The following LDLRAD3 variants were observed in gnomAD, a reference collection of about 807,000 sequenced individuals.
LDLRAD3 encodes the protein low density lipoprotein receptor class A domain containing 3.
LDLRAD3 carries 20 observed loss-of-function variants against 29.4 expected under a neutral mutation model. The ratio of observed to expected loss-of-function variants is 0.68; its 90% CI spans 0.48 to 0.99. The LOEUF (loss-of-function observed/expected upper bound fraction) is 0.99, where lower values mean the gene tolerates loss of function less well. Among genes scored for constraint, LDLRAD3 ranks in the 50% least tolerant of loss-of-function variants. LDLRAD3 has a pLI of 0.00. For synonymous variants in LDLRAD3, 157 were observed against 192.7 expected (o/e 0.81, Z 1.53); for missense variants, 420 against 454.3 (o/e 0.92, Z 0.69).
At chr11:36,096,219 A>G (rs1364588791) in intron 3 of LDLRAD3, among the ~76,000 whole-genome samples, 6 of 152,240 alleles carry the variant, frequency 3.9e-5, no homozygotes, top group Non-Finnish European at 4.4e-5. Context: ...AAAAGTCTTC[A>G]GTTCCTCAGC....
chr11:35,958,725 A>T (rs560448855), intron 1 of LDLRAD3, among the ~76,000 whole-genome samples: 20 of 152,056 alleles, frequency 1.3e-4, no homozygotes, highest in Admixed American at 1.2e-3. Context: ...TACCCCCTAC[A>T]TTTTACAGCA....
chr11:35,955,620 A>G (rs1851191543), intron 1 of LDLRAD3, among the ~76,000 whole-genome samples: 2 of 152,244 alleles, frequency 1.3e-5, no homozygotes, highest in South Asian at 4.1e-4. Flanking sequence ...TAAAATAGAT[A>G]AACAGGGTTA....
intron 4 of LDLRAD3, among the ~76,000 whole-genome samples, chr11:36,129,712 G>A (rs1304556781): frequency 6.8e-6 from 1 of 146,512 alleles, no homozygotes; most frequent in Non-Finnish European, 1.5e-5. Flanking sequence ...TGAAACATCT[G>A]CCCTAAGCCT....
At chr11:36,093,220 A>T (rs1853309833) in intron 3 of LDLRAD3, among the ~76,000 whole-genome samples, 1 of 152,240 alleles carries the variant, frequency 6.6e-6, no homozygotes, top group African/African-American at 2.4e-5. Flanking sequence ...ACATACTGAA[A>T]AGGAAAAGTA....
chr11:36,188,269 T>C lies in LDLRAD3; in HGVS notation c.455-38816T>C, dbSNP rs1854884104. 3.4e-5 allele frequency among the ~76,000 whole-genome samples: 5 copies of C among 149,124 alleles called. No individual in the cohort carries two copies. In the Admixed American group the frequency reaches 3.4e-4, roughly 10 times the overall value. On this transcript the variant is annotated intron_variant, in intron 4 of 5. Transcript: ENST00000315571. Reference sequence around the variant, plus strand: ...TACCTTCAAAACTTGTAGTTTAAAGTGGTAACTTGAATACTCACATTTACC... The same window carrying C: ...TACCTTCAAAACTTGTAGTTTAAAGCGGTAACTTGAATACTCACATTTACC...
chr11:36,153,198 A>G (rs1854301092), intron 4 of LDLRAD3, among the ~76,000 whole-genome samples: 1 of 151,966 alleles, frequency 6.6e-6, no homozygotes, highest in Non-Finnish European at 1.5e-5. Context: ...GATGTGCTCC[A>G]TGGGCATAGG....
intron 4 of LDLRAD3, among the ~76,000 whole-genome samples, chr11:36,151,167 G>A (rs185021547): frequency 5.3e-5 from 8 of 152,120 alleles, no homozygotes; most frequent in Non-Finnish European, 1.0e-4. Context: ...AATTCACATG[G>A]TGCTGTTTCA....
At chr11:36,224,524 G>T (rs1260912284) in intron 4 of LDLRAD3, among the ~76,000 whole-genome samples, 3 of 152,176 alleles carry the variant, frequency 2.0e-5, no homozygotes, top group Non-Finnish European at 4.4e-5. Context: ...ACAGCTAATT[G>T]TCTCCAGAAA....
intron 1 of LDLRAD3, among the ~76,000 whole-genome samples, chr11:35,985,448 G>C (rs988911617): frequency 1.3e-5 from 2 of 152,164 alleles, no homozygotes; most frequent in African/African-American, 4.8e-5. Context: ...CATTGGGATG[G>C]TAGGCTGAAA....
At chr11:36,154,042 G>A (rs1854311831) in intron 4 of LDLRAD3, among the ~76,000 whole-genome samples, 2 of 152,058 alleles carry the variant, frequency 1.3e-5, no homozygotes, top group Non-Finnish European at 2.9e-5. Context: ...CAGAAGCCTC[G>A]GGTTCCAGTT....
intron 4 of LDLRAD3, among the ~76,000 whole-genome samples, chr11:36,226,647 C>T (rs879478705): frequency 1.3e-5 from 2 of 152,222 alleles, no homozygotes; most frequent in Admixed American, 6.5e-5. Flanking sequence ...GGGACATTCC[C>T]GTCACCCCAA....
At chr11:36,033,313 C>T (rs1052189816) in intron 1 of LDLRAD3, among the ~76,000 whole-genome samples, 1 of 152,320 alleles carries the variant, frequency 6.6e-6, no homozygotes. Context: ...GATCCCTGGT[C>T]CTGCTGAGAA....
At chr11:36,194,907 C>T (rs919704458) in intron 4 of LDLRAD3, among the ~76,000 whole-genome samples, 1 of 152,070 alleles carries the variant, frequency 6.6e-6, no homozygotes, top group African/African-American at 2.4e-5. Context: ...GACAATTAGG[C>T]GGAGAAGGCA....
At chr11:36,107,192 C>A (rs1481832759) in intron 4 of LDLRAD3, among the ~76,000 whole-genome samples, 1 of 150,382 alleles carries the variant, frequency 6.6e-6, no homozygotes, top group Admixed American at 6.6e-5. Flanking sequence ...TGTAATTTTT[C>A]TTTTTCTTTT....
intron 4 of LDLRAD3, among the ~76,000 whole-genome samples, chr11:36,099,878 T>G (rs1159566763): frequency 1.3e-5 from 2 of 152,166 alleles, no homozygotes; most frequent in Non-Finnish European, 2.9e-5. Flanking sequence ...AGAACAGCTG[T>G]GGGAGGCGAG....
intron 4 of LDLRAD3, among the ~76,000 whole-genome samples, chr11:36,225,322 C>T (rs1351281259): frequency 2.0e-5 from 3 of 152,220 alleles, no homozygotes; most frequent in Admixed American, 6.5e-5. Context: ...TAGGTAGTGG[C>T]AGCTCTCTGT....
At chr11:35,954,300 C>T (rs1430341404) in intron 1 of LDLRAD3, among the ~76,000 whole-genome samples, 1 of 152,118 alleles carries the variant, frequency 6.6e-6, no homozygotes, top group African/African-American at 2.4e-5. Context: ...TGAAGGGCAA[C>T]GTCAACATCT....
intron 4 of LDLRAD3, among the ~76,000 whole-genome samples, chr11:36,178,467 A>T (rs1222301116): frequency 6.6e-6 from 1 of 152,132 alleles, no homozygotes; most frequent in Non-Finnish European, 1.5e-5. Flanking sequence ...ACTCAGTGTC[A>T]TATTTGTTTT....
At chr11:36,170,067 C>T (rs377182838) in intron 4 of LDLRAD3, among the ~76,000 whole-genome samples, 8 of 151,980 alleles carry the variant, frequency 5.3e-5, no homozygotes, top group East Asian at 3.9e-4. Flanking sequence ...ATCATTCTCA[C>T]GCCTTTGCCT....
Sources: allele counts gnomAD v4.1 joint callset (sites outside exome capture counted in the v4.1 genomes callset), GRCh38; gene constraint gnomAD v4.1.1; transcripts MANE v1.5; gene names NCBI Gene and HGNC (gene_info 2026-07-23, HGNC 2026-07-21).